Variants in ADAM18 observed in about 807,000 individuals in gnomAD.
ADAM18 encodes ADAM metallopeptidase domain 18, also known as disintegrin and metalloproteinase domain-containing protein 18.
Under a neutral mutation model 94.4 loss-of-function variants are expected in ADAM18, and 117 were observed. The ratio of observed to expected loss-of-function variants is 1.24; its 90% CI spans 1.07 to 1.45. The LOEUF (loss-of-function observed/expected upper bound fraction) is 1.45, where lower values mean the gene tolerates loss of function less well. Among genes scored for constraint, ADAM18 ranks in the 40% most tolerant of loss-of-function variants. The pLI is 0.00. For synonymous variants in ADAM18, 327 were observed against 291.6 expected (o/e 1.12, Z -1.24); for missense variants, 936 against 880.0 (o/e 1.06, Z -0.81).
intron 18 of ADAM18, 34 bp downstream of exon 18, chr8:39,706,938 A>T: frequency 7.9e-7 from 1 of 1,261,012 alleles, no homozygotes; most frequent in Non-Finnish European, 1.1e-6. Flanking sequence ...AGCAAAATAG[A>T]AGGTTGTTTT....
chr8:39,631,998 A>G (rs1819942789), intron 7 of ADAM18, among the ~76,000 whole-genome samples: 1 of 151,904 alleles, frequency 6.6e-6, no homozygotes, highest in African/African-American at 2.4e-5. Flanking sequence ...CACACAATTT[A>G]TCTTATATCC....
chr8:39,653,470 TAA>T (rs2129579750), intron 12 of ADAM18, among the ~76,000 whole-genome samples: 1 of 152,236 alleles, frequency 6.6e-6, no homozygotes, highest in South Asian at 2.1e-4. Context: ...AACACCAACA[TAA>T]GTCAATATTA....
chr8:39,626,485 T>G (rs548153801), intron 6 of ADAM18, among the ~76,000 whole-genome samples: 1 of 151,880 alleles, frequency 6.6e-6, no homozygotes, highest in Non-Finnish European at 1.5e-5. Context: ...TTCGTTGAGG[T>G]TGAGATTTAA....
chr8:39,710,993 A>AGT (rs1218468570), intron 18 of ADAM18, among the ~76,000 whole-genome samples: 1 of 152,238 alleles, frequency 6.6e-6, no homozygotes, highest in African/African-American at 2.4e-5. Context: ...GTGTAAAAGC[A>AGT]GTGCTCCAGC....
chr8:39,654,060 CAT>C (rs1820616057), intron 12 of ADAM18, among the ~76,000 whole-genome samples: 1 of 149,944 alleles, frequency 6.7e-6, no homozygotes, highest in Admixed American at 6.6e-5. Flanking sequence ...TGATTGAGAA[CAT>C]GTGATATTTG....
intron 6 of ADAM18, among the ~76,000 whole-genome samples, chr8:39,614,025 G>A (rs1037892991): frequency 6.6e-6 from 1 of 152,182 alleles, no homozygotes; most frequent in Non-Finnish European, 1.5e-5. Flanking sequence ...GAGTGAAAGA[G>A]AGAGAGCAAG....
At chr8:39,588,643 A>T (rs1818480095) in intron 2 of ADAM18, among the ~76,000 whole-genome samples, 1 of 152,206 alleles carries the variant, frequency 6.6e-6, no homozygotes, top group Non-Finnish European at 1.5e-5. Flanking sequence ...ACTGGGAAAC[A>T]ACTCTCCAGT....
intron 17 of ADAM18, among the ~76,000 whole-genome samples, chr8:39,693,984 G>T (rs1402524621): frequency 6.6e-6 from 1 of 151,154 alleles, no homozygotes; most frequent in Non-Finnish European, 1.5e-5. Context: ...AATGTTGCCA[G>T]TTATAATAGA....
At chr8:39,720,838 G>A (rs1403096310) in intron 18 of ADAM18, among the ~76,000 whole-genome samples, 2 of 151,332 alleles carry the variant, frequency 1.3e-5, no homozygotes, top group Non-Finnish European at 3.0e-5. Flanking sequence ...AATGTTCAAT[G>A]TGGGAATATG....
intron 10 of ADAM18, among the ~76,000 whole-genome samples, chr8:39,639,513 G>C (rs1820177086): frequency 6.6e-6 from 1 of 151,834 alleles, no homozygotes; most frequent in Admixed American, 6.6e-5. Context: ...ATTATCTATT[G>C]ACTTCCTATT....
intron 14 of ADAM18, among the ~76,000 whole-genome samples, chr8:39,670,062 C>G (rs1195973400): frequency 1.3e-5 from 2 of 152,084 alleles, no homozygotes; most frequent in Admixed American, 1.3e-4. Context: ...TCTCTGATGG[C>G]CAGTGATGAT....
chr8:39,610,765 G>C (rs551203660), intron 6 of ADAM18, 59 bp downstream of exon 6: 2 of 1,529,124 alleles, frequency 1.3e-6, no homozygotes, highest in Non-Finnish European at 1.8e-6. Context: ...TAGTTTTCTT[G>C]TAAATCATGA....
intron 18 of ADAM18, among the ~76,000 whole-genome samples, chr8:39,707,804 A>G (rs1822282697): frequency 6.6e-6 from 1 of 152,150 alleles, no homozygotes. Context: ...TGGAATATGT[A>G]TGTATTAATA....
intron 6 of ADAM18, among the ~76,000 whole-genome samples, chr8:39,621,937 AGAAGAGGAAGAGGATCAG>A (rs1332966989): frequency 6.6e-6 from 1 of 152,122 alleles, no homozygotes; most frequent in Non-Finnish European, 1.5e-5. Context: ...GTGGAGGATG[AGAAGAGGAAGAGGATCAG>A]GAAGAAAAGC....
chr8:39,653,691 G>A, intron 12 of ADAM18, among the ~76,000 whole-genome samples: 1 of 152,154 alleles, frequency 6.6e-6, no homozygotes, highest in African/African-American at 2.4e-5. Context: ...GATATTTCAA[G>A]AATAGTTTTT....
intron 6 of ADAM18, among the ~76,000 whole-genome samples, chr8:39,621,173 A>G (rs565162401): frequency 6.6e-6 from 1 of 152,270 alleles, no homozygotes; most frequent in South Asian, 2.1e-4. Context: ...ATGAAACAAA[A>G]TAAAAATACA....
chr8:39,712,867 A>G (rs1157736826), intron 18 of ADAM18, among the ~76,000 whole-genome samples: 7 of 152,224 alleles, frequency 4.6e-5, no homozygotes, highest in Non-Finnish European at 7.3e-5. Flanking sequence ...ATACTGCCCA[A>G]AGTAATTTGT....
At chr8:39,704,486 G>T (rs981643640) in intron 17 of ADAM18, among the ~76,000 whole-genome samples, 1 of 151,946 alleles carries the variant, frequency 6.6e-6, no homozygotes, top group Non-Finnish European at 1.5e-5. Context: ...TGCAGAAAAG[G>T]CTTTTGATAA....
intron 17 of ADAM18, among the ~76,000 whole-genome samples, chr8:39,698,210 A>T (rs1221954050): frequency 2.0e-5 from 3 of 151,806 alleles, no homozygotes; most frequent in Admixed American, 6.6e-5. Flanking sequence ...ATTTGCTTTT[A>T]CAGCCTTGTA....
Sources: gnomAD v4.1 joint callset for allele counts (sites outside exome capture counted in the v4.1 genomes callset) on GRCh38, gnomAD v4.1.1 for gene constraint, MANE v1.5 for transcripts, NCBI Gene and HGNC (gene_info 2026-07-23, HGNC 2026-07-21) for gene names.